CRISPLD2: variants seen among roughly 807,000 people sequenced by gnomAD.
The protein encoded by CRISPLD2 is cysteine rich secretory protein LCCL domain containing 2.
Under a neutral mutation model 71.1 loss-of-function variants are expected in CRISPLD2, and 47 were observed. That is an observed-to-expected ratio of 0.66 (90% CI 0.52 to 0.84). The LOEUF (loss-of-function observed/expected upper bound fraction) is 0.84, where lower values mean the gene tolerates loss of function less well. CRISPLD2 is among the 40% of genes least tolerant of loss of function. The probability of loss-of-function intolerance (pLI) is 0.00; values close to 1 mark genes in which losing one functional copy is unlikely to be tolerated. For missense variants in CRISPLD2, 830 were observed against 651.1 expected, an observed-to-expected ratio of 1.27 and a Z score of -2.99; for synonymous variants, 317 against 250.1, an observed-to-expected ratio of 1.27 and a Z score of -2.52.
intron 1 of CRISPLD2, among the ~76,000 whole-genome samples, chr16:84,832,175 G>A (rs1258027802): frequency 6.6e-6 from 1 of 152,192 alleles, no homozygotes; most frequent in Non-Finnish European, 1.5e-5. Flanking sequence ...TGGAGGCTCT[G>A]GCACAGCCTC....
intron 1 of CRISPLD2, among the ~76,000 whole-genome samples, chr16:84,837,098 G>A (rs1236500463): frequency 1.3e-5 from 2 of 152,246 alleles, no homozygotes; most frequent in Non-Finnish European, 2.9e-5. Context: ...GCGCTTGATG[G>A]AGGTGACTGG....
At chr16:84,891,812 G>C (rs963794079) in intron 14 of CRISPLD2, among the ~76,000 whole-genome samples, 2 of 151,992 alleles carry the variant, frequency 1.3e-5, no homozygotes, top group African/African-American at 2.4e-5. Context: ...TTTCCCACCC[G>C]CCCCACTATC....
At chr16:84,855,565 G>A (rs1300171566) in intron 6 of CRISPLD2, among the ~76,000 whole-genome samples, 3 of 152,116 alleles carry the variant, frequency 2.0e-5, no homozygotes, top group Admixed American at 6.6e-5. Flanking sequence ...CAGATTACGG[G>A]TGGGTCTGCC....
chr16:84,905,995 A>T (rs949503968), intron 14 of CRISPLD2, among the ~76,000 whole-genome samples: 1 of 152,118 alleles, frequency 6.6e-6, no homozygotes, highest in African/African-American at 2.4e-5. Flanking sequence ...GGCATGAGCC[A>T]CCGCGCCTGG....
intron 13 of CRISPLD2, among the ~76,000 whole-genome samples, chr16:84,886,286 G>A (rs907400195): frequency 6.6e-6 from 1 of 152,206 alleles, no homozygotes; most frequent in Non-Finnish European, 1.5e-5. Context: ...AGCTCAGGGT[G>A]CATTTTCCAG....
chr16:84,854,477 G>A (rs1352497010), intron 5 of CRISPLD2, among the ~76,000 whole-genome samples: 1 of 152,166 alleles, frequency 6.6e-6, no homozygotes, highest in African/African-American at 2.4e-5. Flanking sequence ...GCCAGCCAGG[G>A]CAAAGGTACT....
At chr16:84,895,532 G>A (rs150850914) in intron 14 of CRISPLD2, among the ~76,000 whole-genome samples, 46 of 152,054 alleles carry the variant, frequency 3.0e-4, no homozygotes, top group African/African-American at 1.0e-3. Flanking sequence ...TTTTTCCCCC[G>A]TGCACATAAA....
At chr16:84,877,652 C>A in intron 12 of CRISPLD2, 142 bp downstream of exon 12, 2 of 563,570 alleles carry the variant, frequency 3.5e-6, no homozygotes, top group Non-Finnish European at 6.2e-6. Flanking sequence ...GAGTTCGTGA[C>A]CAGCCTGGCC....
chr16:84,878,264 T>A (rs902954366), intron 12 of CRISPLD2, among the ~76,000 whole-genome samples: 2 of 140,514 alleles, frequency 1.4e-5, no homozygotes, highest in African/African-American at 6.6e-5. Context: ...GGCCAAGGTA[T>A]ACAGGGTCAC....
At chr16:84,905,200 AAGGC>A (rs2071790364) in intron 14 of CRISPLD2, among the ~76,000 whole-genome samples, 1 of 152,168 alleles carries the variant, frequency 6.6e-6, no homozygotes, top group Admixed American at 6.6e-5. Flanking sequence ...TCAGGAGGTC[AAGGC>A]TGAAGTAAGC....
At chr16:84,873,668 C>T (rs772481431) in intron 10 of CRISPLD2, among the ~76,000 whole-genome samples, 21 of 151,902 alleles carry the variant, frequency 1.4e-4, no homozygotes, top group Non-Finnish European at 2.1e-4. Context: ...TTATCTTATA[C>T]ATTTGAAAAC....
At chr16:84,901,355 G>T (rs1245341804) in intron 14 of CRISPLD2, among the ~76,000 whole-genome samples, 1 of 152,170 alleles carries the variant, frequency 6.6e-6, no homozygotes, top group Non-Finnish European at 1.5e-5. Flanking sequence ...AGACAGGGTT[G>T]AGAGGGAGAG....
chr16:84,905,666 C>CAGGTGTG (rs57249061), intron 14 of CRISPLD2, among the ~76,000 whole-genome samples: 1 of 148,516 alleles, frequency 6.7e-6, no homozygotes, highest in Non-Finnish European at 1.5e-5. Context: ...GCTGGGATTC[C>CAGGTGTG]AGGTGTGAGG....
chr16:84,867,667 A>C (rs1917578768), intron 7 of CRISPLD2, among the ~76,000 whole-genome samples: 1 of 152,204 alleles, frequency 6.6e-6, no homozygotes, highest in Admixed American at 6.5e-5. Context: ...TCCGGGTTCA[A>C]GCAATTCTCC....
chr16:84,906,530 C>T, intron 14 of CRISPLD2, 58 bp from the exon 15 acceptor site: 1 of 1,582,734 alleles, frequency 6.3e-7, no homozygotes, highest in South Asian at 1.1e-5. Context: ...CACCCAGAGT[C>T]CCTGCAGGAG....
intron 1 of CRISPLD2, among the ~76,000 whole-genome samples, chr16:84,831,875 C>T (rs943887999): frequency 1.3e-5 from 2 of 152,232 alleles, no homozygotes; most frequent in Non-Finnish European, 2.9e-5. Flanking sequence ...GCTGGAACTA[C>T]AGACACGCAC....
intron 3 of CRISPLD2, among the ~76,000 whole-genome samples, chr16:84,848,105 C>G (rs1001991407): frequency 6.6e-6 from 1 of 152,232 alleles, no homozygotes; most frequent in Non-Finnish European, 1.5e-5. Context: ...GAGCCCCTGA[C>G]TCTGCATGGC....
intron 14 of CRISPLD2, among the ~76,000 whole-genome samples, chr16:84,902,196 G>A (rs555108666): frequency 1.6e-4 from 24 of 152,160 alleles, no homozygotes; most frequent in Admixed American, 2.6e-4. Flanking sequence ...AGATCTTATC[G>A]GCTTTTATTA....
At chr16:84,858,901 T>C (rs1567690612) in intron 6 of CRISPLD2, among the ~76,000 whole-genome samples, 1 of 152,092 alleles carries the variant, frequency 6.6e-6, no homozygotes, top group African/African-American at 2.4e-5. Flanking sequence ...GCAATTGGAG[T>C]CACCACTTGG....
Sources: allele counts gnomAD v4.1 joint callset (sites outside exome capture counted in the v4.1 genomes callset), GRCh38; gene constraint gnomAD v4.1.1; transcripts MANE v1.5; gene names NCBI Gene and HGNC (gene_info 2026-07-23, HGNC 2026-07-21).